Variants in DCTN4 observed in about 807,000 individuals in gnomAD.
DCTN4 encodes the protein dynactin subunit 4, also known as dynactin 4 (p62).
In DCTN4, 23 loss-of-function variants were observed where a neutral mutation model predicts 62.7. The ratio of observed to expected loss-of-function variants is 0.37; its 90% CI spans 0.26 to 0.52. DCTN4 has a LOEUF of 0.52. DCTN4 is among the 20% of genes least tolerant of loss of function. DCTN4 has a pLI of 0.92. For missense variants in DCTN4, 514 were observed against 580.4 expected, an observed-to-expected ratio of 0.89 and a Z score of 1.18; for synonymous variants, 199 against 202.1, an observed-to-expected ratio of 0.98 and a Z score of 0.13.
At chr5:150,728,673 A>G (rs1049366296) in intron 8 of DCTN4, among the ~76,000 whole-genome samples, 5 of 152,024 alleles carry the variant, frequency 3.3e-5, no homozygotes, top group African/African-American at 1.2e-4. Context: ...TGTTTGTCCA[A>G]TATTTTTCCC....
intron 4 of DCTN4, among the ~76,000 whole-genome samples, chr5:150,738,423 A>G (rs1015901091): frequency 1.3e-5 from 2 of 152,240 alleles, no homozygotes; most frequent in African/African-American, 4.8e-5. Flanking sequence ...CACCATGATC[A>G]AGTGGGTTTA....
intron 3 of DCTN4, among the ~76,000 whole-genome samples, chr5:150,752,632 AGAAG>A (rs1279946503): frequency 1.3e-5 from 2 of 152,224 alleles, no homozygotes; most frequent in Non-Finnish European, 2.9e-5. Context: ...TGTACCAAAT[AGAAG>A]GAAGCTTTAA....
At chr5:150,746,191 G>C (rs1397074149) in intron 3 of DCTN4, among the ~76,000 whole-genome samples, 1 of 152,082 alleles carries the variant, frequency 6.6e-6, no homozygotes, top group Non-Finnish European at 1.5e-5. Context: ...AGAAAATCTA[G>C]AAGAAATGGA....
chr5:150,731,955 A>G, intron 5 of DCTN4: 1 of 1,529,144 alleles, frequency 6.5e-7, no homozygotes, highest in South Asian at 1.2e-5. Context: ...CAAAAAATGC[A>G]GCATAAGATA....
Position 150,711,028 on chromosome 5 carries a change from A to T in DCTN4, c.*121T>A. ...CCTATGCTCCCACTTTCTTAGCAATAGAATTCCGTAGTGCATGGGTACATC... is the reference window on the plus strand; with the variant it reads ...CCTATGCTCCCACTTTCTTAGCAATTGAATTCCGTAGTGCATGGGTACATC... On this transcript the variant is annotated 3_prime_UTR_variant, in exon 13 of 13. Transcript: ENST00000447998. 3.1e-6 allele frequency: 3 copies of T among 961,682 alleles called. No individual in the cohort carries two copies. The highest frequency in any genetic ancestry group is 4.7e-6 in the Non-Finnish European group (3 of 640,758). The allele number at this position is 961,682 out of a possible 1,614,324, so 59.6% of individuals were successfully genotyped here.
intron 8 of DCTN4, among the ~76,000 whole-genome samples, chr5:150,728,040 A>G (rs1760219978): frequency 6.6e-6 from 1 of 152,060 alleles, no homozygotes; most frequent in Admixed American, 6.6e-5. Context: ...AATTCTATAA[A>G]TTTTCATTTT....
chr5:150,730,213 A>G (rs1272051699), intron 8 of DCTN4, among the ~76,000 whole-genome samples: 1 of 152,186 alleles, frequency 6.6e-6, no homozygotes, highest in Non-Finnish European at 1.5e-5. Context: ...TTTACAATTT[A>G]TTTATTGAAG....
Position 150,738,277 on chromosome 5 carries a change from C to T in DCTN4, c.429+3837G>A, listed in dbSNP as rs79223383. On this transcript the variant is annotated intron_variant, in intron 4 of 12. Transcript: ENST00000447998. ...CTAAATCATTCTATGAATCCAGCAT[C>T]GCCCTTATACCGAAACCAGGAAGGG... Among the ~76,000 whole-genome samples, 642 of 152,264 alleles carry T rather than the reference C, an allele frequency of 4.2e-3. 3 individuals carry two copies. The highest frequency in any genetic ancestry group is 6.9e-3 in the Non-Finnish European group (468 of 68,016).
Position 150,722,902 on chromosome 5 carries a change from C to T in DCTN4, c.908+5G>A, listed in dbSNP as rs368280529. 9 of 1,610,394 alleles carry T rather than the reference C, an allele frequency of 5.6e-6. No homozygotes were observed. Among genetic ancestry groups the T allele is most frequent in the East Asian group, 2.2e-5 (1 of 44,734 alleles). ...AACTGAAAACACCAATCCCAAAATA[C>T]TTACACAGCGACCAGCTGGATTTTG... is the stretch of plus-strand genomic sequence containing the variant. On this transcript the variant is annotated splice_donor_5th_base_variant and intron_variant, in intron 9 of 12. Transcript: ENST00000447998.
intron 3 of DCTN4, among the ~76,000 whole-genome samples, chr5:150,753,045 T>G (rs1752733289): frequency 1.3e-5 from 2 of 152,256 alleles, no homozygotes; most frequent in South Asian, 4.1e-4. Context: ...TTTGTATTTT[T>G]TAGTAGAGAC....
chr5:150,711,366 T>C lies in DCTN4; in HGVS notation c.1170-4A>G. 6.2e-7 allele frequency: 1 copy of C among 1,608,618 alleles called. No homozygotes were observed. The highest frequency in any genetic ancestry group is 1.1e-5 in the South Asian group (1 of 90,752). The stretch of plus-strand genomic sequence containing the variant: ...GGCCTTTCTGAAGGCTATAATGCTA[T>C]GGAAAGAAAAAAAAGCAAGTATTAG... On this transcript the variant is annotated splice_region_variant and splice_polypyrimidine_tract_variant and intron_variant, in intron 12 of 12. Coordinates refer to ENST00000447998, the MANE Select transcript of DCTN4 (RefSeq NM_016221.4).
At chr5:150,756,616 G>T in intron 1 of DCTN4, 129 bp from the exon 2 acceptor site, 2 of 437,700 alleles carry the variant, frequency 4.6e-6, no homozygotes, top group African/African-American at 2.1e-5. Flanking sequence ...TTCTGCTTAG[G>T]GTTTATTCTT....
chr5:150,733,025 T>C (rs1760442499), intron 5 of DCTN4, among the ~76,000 whole-genome samples: 1 of 152,188 alleles, frequency 6.6e-6, no homozygotes. Context: ...GACTGAAATC[T>C]ACCATTTGCC....
intron 4 of DCTN4, among the ~76,000 whole-genome samples, chr5:150,738,427 G>A (rs1760657036): frequency 6.6e-6 from 1 of 152,136 alleles, no homozygotes; most frequent in Admixed American, 6.5e-5. Flanking sequence ...ATGATCAAGT[G>A]GGTTTAATAC....
At chr5:150,734,573 C>T (rs1329665674) in intron 4 of DCTN4, 1 of 152,196 alleles carries the variant, frequency 6.6e-6, no homozygotes, top group Admixed American at 6.5e-5. Context: ...GGAAGGACCA[C>T]TTGGAGACAG....
intron 1 of DCTN4, among the ~76,000 whole-genome samples, chr5:150,757,272 T>C (rs1212462700): frequency 6.6e-6 from 1 of 152,112 alleles, no homozygotes; most frequent in Non-Finnish European, 1.5e-5. Flanking sequence ...GAACATAAAA[T>C]ACAATATTGC....
At chr5:150,750,498 T>C (rs1752634559) in intron 3 of DCTN4, among the ~76,000 whole-genome samples, 1 of 152,158 alleles carries the variant, frequency 6.6e-6, no homozygotes, top group Non-Finnish European at 1.5e-5. Context: ...AGGAAACACA[T>C]ACAAGATTGC....
intron 8 of DCTN4, among the ~76,000 whole-genome samples, chr5:150,724,609 A>G (rs1760071826): frequency 6.6e-6 from 1 of 152,192 alleles, no homozygotes. Context: ...ATTAACTTCT[A>G]TGTAGGGTGA....
chr5:150,751,149 T>C (rs1014065995), intron 3 of DCTN4, among the ~76,000 whole-genome samples: 1 of 152,160 alleles, frequency 6.6e-6, no homozygotes, highest in African/African-American at 2.4e-5. Context: ...GGAGACATAA[T>C]AATCTCATTG....
Sources: gnomAD v4.1 joint callset for allele counts (sites outside exome capture counted in the v4.1 genomes callset) on GRCh38, gnomAD v4.1.1 for gene constraint, MANE v1.5 for transcripts, NCBI Gene and HGNC (gene_info 2026-07-23, HGNC 2026-07-21) for gene names.